The following CADM2 variants were observed in gnomAD, a reference collection of about 807,000 sequenced individuals.
The protein encoded by CADM2 is cell adhesion molecule 2.
Under a neutral mutation model 49.8 loss-of-function variants are expected in CADM2, and 12 were observed. That is an observed-to-expected ratio of 0.24 (90% CI 0.15 to 0.39). The LOEUF (loss-of-function observed/expected upper bound fraction) is 0.39. Ranked by LOEUF, CADM2 falls within the 10% of genes least tolerant of loss-of-function variation. CADM2 has a pLI of 1.00. For missense variants in CADM2, 378 were observed against 492.3 expected, an observed-to-expected ratio of 0.77 and a Z score of 2.20; for synonymous variants, 214 against 175.4, an observed-to-expected ratio of 1.22 and a Z score of -1.74.
intron 1 of CADM2, among the ~76,000 whole-genome samples, chr3:85,654,365 A>G (rs1236182817): frequency 6.6e-6 from 1 of 152,182 alleles, no homozygotes; most frequent in Non-Finnish European, 1.5e-5. Context: ...AGTGCACAGG[A>G]GGAACACAAG....
At chr3:85,949,197 C>CTT (rs927788758) in intron 7 of CADM2, among the ~76,000 whole-genome samples, 1 of 150,498 alleles carries the variant, frequency 6.6e-6, no homozygotes, top group Admixed American at 6.7e-5. Context: ...ATTTATATGA[C>CTT]TTTTTTTTAA....
intron 1 of CADM2, among the ~76,000 whole-genome samples, chr3:84,995,526 G>A (rs1223580710): frequency 1.3e-5 from 2 of 152,256 alleles, no homozygotes; most frequent in South Asian, 2.1e-4. Flanking sequence ...GAATCCTAGC[G>A]ATGTGTAAAT....
chr3:85,096,778 A>C (rs533190148), intron 1 of CADM2, among the ~76,000 whole-genome samples: 1 of 152,306 alleles, frequency 6.6e-6, no homozygotes. Context: ...ATTCTACAGC[A>C]ATATATAAAG....
intron 3 of CADM2, among the ~76,000 whole-genome samples, chr3:85,870,960 T>C (rs1437460970): frequency 1.3e-5 from 2 of 152,126 alleles, no homozygotes; most frequent in East Asian, 3.9e-4. Flanking sequence ...ACATAGGCAA[T>C]AATATTCCAG....
At chr3:85,472,094 A>G (rs1007868961) in intron 1 of CADM2, among the ~76,000 whole-genome samples, 13 of 151,822 alleles carry the variant, frequency 8.6e-5, no homozygotes, top group African/African-American at 2.9e-4. Flanking sequence ...CTTTTCTCTT[A>G]TTTCTTCTGG....
chr3:85,635,100 A>G (rs2064426279), intron 1 of CADM2, among the ~76,000 whole-genome samples: 1 of 152,076 alleles, frequency 6.6e-6, no homozygotes, highest in Admixed American at 6.6e-5. Context: ...ACAAAATGAA[A>G]GGGATTAGTG....
At chr3:85,404,800 T>A (rs2035294522) in intron 1 of CADM2, among the ~76,000 whole-genome samples, 1 of 152,146 alleles carries the variant, frequency 6.6e-6, no homozygotes, top group Non-Finnish European at 1.5e-5. Context: ...GTGCAAATAG[T>A]GTTTGCTTAC....
chr3:86,015,009 A>G, intron 8 of CADM2: 1 of 983,624 alleles, frequency 1.0e-6, no homozygotes, highest in South Asian at 1.3e-5. Context: ...TTTGCTTAAC[A>G]TAAATTGTGA....
intron 1 of CADM2, among the ~76,000 whole-genome samples, chr3:85,702,652 G>A (rs768902208): frequency 6.6e-6 from 1 of 152,142 alleles, no homozygotes; most frequent in Non-Finnish European, 1.5e-5. Context: ...TATTGTTCAT[G>A]TAGGTAAGGT....
chr3:85,619,844 A>G lies in CADM2; in HGVS notation c.62-106678A>G, dbSNP rs548390786. Reference sequence around the variant, plus strand: ...AATGCATGCCAGTGCATAACTTAAAATCAACATTGCTTGTATAAGAGCAAA... The same window carrying G: ...AATGCATGCCAGTGCATAACTTAAAGTCAACATTGCTTGTATAAGAGCAAA... On this transcript the variant is annotated intron_variant, in intron 1 of 9. Transcript: ENST00000383699. Among the ~76,000 whole-genome samples the G allele has an allele frequency of 4.6e-5, 7 of 152,312 alleles. No homozygotes were observed. In the South Asian group the frequency reaches 1.4e-3, roughly 32 times the overall value.
At chr3:84,997,415 G>T (rs1324519423) in intron 1 of CADM2, among the ~76,000 whole-genome samples, 1 of 151,886 alleles carries the variant, frequency 6.6e-6, no homozygotes, top group Admixed American at 6.6e-5. Flanking sequence ...TTCATAGAAA[G>T]AATTATGTTT....
At chr3:85,844,043 T>C (rs917134648) in intron 3 of CADM2, among the ~76,000 whole-genome samples, 1 of 152,092 alleles carries the variant, frequency 6.6e-6, no homozygotes, top group Admixed American at 6.6e-5. Flanking sequence ...CATAGCCGCA[T>C]CTCATCTGAT....
At chr3:85,693,682 T>A (rs1338936954) in intron 1 of CADM2, among the ~76,000 whole-genome samples, 1 of 123,512 alleles carries the variant, frequency 8.1e-6, no homozygotes, top group African/African-American at 3.2e-5. Flanking sequence ...GGGCAGGAGG[T>A]CGAGACCATC....
intron 1 of CADM2, among the ~76,000 whole-genome samples, chr3:85,278,427 G>T (rs1252130986): frequency 6.6e-6 from 1 of 151,298 alleles, no homozygotes; most frequent in African/African-American, 2.4e-5. Flanking sequence ...AACCTTGGTA[G>T]TGTTTTCTTT....
At chr3:85,883,475 C>G (rs769405005) in intron 4 of CADM2, 32 bp downstream of exon 4, 14 of 1,564,244 alleles carry the variant, frequency 9.0e-6, no homozygotes, top group Non-Finnish European at 1.2e-5. Context: ...CATGTAATCA[C>G]AAAACCAGAA....
chr3:85,931,257 G>C (rs1720551338), intron 6 of CADM2, among the ~76,000 whole-genome samples: 1 of 151,742 alleles, frequency 6.6e-6, no homozygotes, highest in African/African-American at 2.4e-5. Context: ...GAGATAAAGA[G>C]AGAAAAAGAA....
At chr3:85,005,739 T>C (rs1183811157) in intron 1 of CADM2, among the ~76,000 whole-genome samples, 2 of 152,062 alleles carry the variant, frequency 1.3e-5, no homozygotes, top group Non-Finnish European at 2.9e-5. Context: ...TGATTTTCAC[T>C]GACCTGATTT....
chr3:85,314,523 A>G (rs972251053), intron 1 of CADM2, among the ~76,000 whole-genome samples: 9 of 152,162 alleles, frequency 5.9e-5, no homozygotes, highest in Admixed American at 5.9e-4. Context: ...TACCTAGCCC[A>G]CTTAAATCTC....
intron 1 of CADM2, among the ~76,000 whole-genome samples, chr3:85,408,635 T>G (rs959264330): frequency 9.9e-5 from 15 of 152,184 alleles, no homozygotes; most frequent in African/African-American, 3.6e-4. Flanking sequence ...GACAGAGATA[T>G]CCCTCTTATT....
Sources: allele counts gnomAD v4.1 joint callset (sites outside exome capture counted in the v4.1 genomes callset), GRCh38; gene constraint gnomAD v4.1.1; transcripts MANE v1.5; gene names NCBI Gene and HGNC (gene_info 2026-07-23, HGNC 2026-07-21).